The following SLC24A2 variants were observed in gnomAD, a reference collection of about 807,000 sequenced individuals.
SLC24A2 encodes solute carrier family 24 member 2.
SLC24A2 carries 36 observed loss-of-function variants against 62.0 expected under a neutral mutation model. That is an observed-to-expected ratio of 0.58 (90% confidence interval 0.44 to 0.77). The LOEUF is 0.77. SLC24A2 is among the 30% of genes least tolerant of loss of function. SLC24A2 has a pLI of 0.00. For missense variants in SLC24A2, 846 were observed against 817.9 expected, an observed-to-expected ratio of 1.03 and a Z score of -0.42; for synonymous variants, 358 against 294.0, an observed-to-expected ratio of 1.22 and a Z score of -2.23.
chr9:19,709,200 A>G (rs1022128521), intron 2 of SLC24A2, among the ~76,000 whole-genome samples: 13 of 151,942 alleles, frequency 8.6e-5, no homozygotes, highest in African/African-American at 2.2e-4. Context: ...CAAAACCACA[A>G]TGAGATACCA....
intron 7 of SLC24A2, among the ~76,000 whole-genome samples, chr9:19,561,332 G>T (rs1451838310): frequency 6.6e-6 from 1 of 151,926 alleles, no homozygotes; most frequent in Non-Finnish European, 1.5e-5. Flanking sequence ...AAAGAGGTAA[G>T]TTTACGTGTT....
At chr9:20,236,074 T>A in the SLC24A2 span, among the ~76,000 whole-genome samples, 2 of 152,190 alleles carry the variant, frequency 1.3e-5, no homozygotes, top group Non-Finnish European at 2.9e-5. Context: ...GAAGGTTTCA[T>A]TAGAACCCAG....
the SLC24A2 span, among the ~76,000 whole-genome samples, chr9:20,042,111 G>A: frequency 6.6e-6 from 1 of 152,214 alleles, no homozygotes; most frequent in African/African-American, 2.4e-5. Context: ...TGTCCCTGGT[G>A]GGCAGACTGT....
chr9:19,642,220 A>T (rs751507992), intron 2 of SLC24A2, among the ~76,000 whole-genome samples: 1 of 152,152 alleles, frequency 6.6e-6, no homozygotes, highest in Non-Finnish European at 1.5e-5. Flanking sequence ...ACGCTTACAC[A>T]CACATTCTCT....
At chr9:19,657,558 G>A (rs1356045746) in intron 2 of SLC24A2, among the ~76,000 whole-genome samples, 1 of 151,804 alleles carries the variant, frequency 6.6e-6, no homozygotes, top group Non-Finnish European at 1.5e-5. Context: ...CACCCTCCCT[G>A]TGTATTCTTT....
chr9:19,993,779 C>T, the SLC24A2 span, among the ~76,000 whole-genome samples: 1 of 152,110 alleles, frequency 6.6e-6, no homozygotes, highest in Non-Finnish European at 1.5e-5. Flanking sequence ...AAATGTTAGT[C>T]CCTCGAGAAT....
chr9:19,520,777 T>A, intron 10 of SLC24A2, 117 bp downstream of exon 10: 1 of 892,460 alleles, frequency 1.1e-6, no homozygotes, highest in Non-Finnish European at 1.9e-6. Context: ...ATCTTTACTC[T>A]GTATTGGTAT....
In SLC24A2 at chr9:19,511,372, C is replaced by T. The variant is rs1446192284; in HGVS notation, c.*4781G>A. 1 of 152,038 alleles carries T rather than the reference C, an allele frequency of 6.6e-6. No individual in the cohort carries two copies. Among genetic ancestry groups the T allele is most frequent in the Non-Finnish European group, 1.5e-5 (1 of 68,022 alleles). 9.4% of individuals were successfully genotyped at this position (152,038 alleles called of 1,614,324 possible). ...GGTTACTTTTCTTACCCAAGGTCTT[C>T]CTGAGATTATTTTTTAAAAAAATCT... is the stretch of plus-strand genomic sequence containing the variant. On this transcript the variant is annotated 3_prime_UTR_variant, in exon 11 of 11. Coordinates refer to ENST00000341998, the MANE Select transcript of SLC24A2 (RefSeq NM_020344.4).
the SLC24A2 span, among the ~76,000 whole-genome samples, chr9:20,077,219 A>G: frequency 6.6e-6 from 1 of 152,118 alleles, no homozygotes; most frequent in East Asian, 1.9e-4. Flanking sequence ...CTAGAGATCT[A>G]ATATAGAACA....
chr9:19,508,148 C>T lies in SLC24A2; in HGVS notation c.*8005G>A, dbSNP rs1471846755. 1 of 152,158 alleles carries T rather than the reference C, an allele frequency of 6.6e-6. No homozygotes were observed. The highest frequency in any genetic ancestry group is 6.5e-5 in the Admixed American group (1 of 15,268). The allele number at this position is 152,158 out of a possible 1,614,324, so 9.4% of individuals were successfully genotyped here. A position where few individuals can be genotyped will look rare whatever the true frequency, so the allele number is the denominator to read the frequency against. Reference sequence around the variant, plus strand: ...TGCTTGATGGTGGAAGCTGTTGCTTCCGGAGTTTTTTGACTTGAGCAGAAG... The same window carrying T: ...TGCTTGATGGTGGAAGCTGTTGCTTTCGGAGTTTTTTGACTTGAGCAGAAG... On this transcript the variant is annotated 3_prime_UTR_variant, in exon 11 of 11. Transcript: ENST00000341998.
intron 7 of SLC24A2, among the ~76,000 whole-genome samples, chr9:19,565,578 C>A (rs1465811548): frequency 1.3e-5 from 2 of 151,920 alleles, no homozygotes; most frequent in African/African-American, 2.4e-5. Context: ...CCCCATCAAG[C>A]TACCAATGAA....
At chr9:20,198,065 G>A in the SLC24A2 span, among the ~76,000 whole-genome samples, 1 of 152,164 alleles carries the variant, frequency 6.6e-6, no homozygotes, top group Admixed American at 6.5e-5. Flanking sequence ...TGTAAAGGCG[G>A]TCATTTCCAG....
intron 2 of SLC24A2, among the ~76,000 whole-genome samples, chr9:19,751,284 T>C (rs1238060851): frequency 6.6e-6 from 1 of 152,184 alleles, no homozygotes; most frequent in Non-Finnish European, 1.5e-5. Flanking sequence ...AGAGCTACTA[T>C]CATGTCCATA....
the SLC24A2 span, among the ~76,000 whole-genome samples, chr9:20,258,831 A>G: frequency 3.0e-5 from 4 of 131,932 alleles, no homozygotes; most frequent in South Asian, 5.3e-4. Context: ...CTATCTATCT[A>G]TCTGTCTATC....
the SLC24A2 span, among the ~76,000 whole-genome samples, chr9:19,896,181 T>C: frequency 6.6e-6 from 1 of 152,246 alleles, no homozygotes; most frequent in Non-Finnish European, 1.5e-5. Context: ...AGATGAATTA[T>C]CTGCATTAAT....
chr9:19,994,420 C>A, the SLC24A2 span, among the ~76,000 whole-genome samples: 1 of 152,190 alleles, frequency 6.6e-6, no homozygotes, highest in Non-Finnish European at 1.5e-5. Flanking sequence ...CTTTCTGAGT[C>A]ATACAAATTC....
chr9:19,837,127 A>G, the SLC24A2 span, among the ~76,000 whole-genome samples: 6 of 152,164 alleles, frequency 3.9e-5, no homozygotes, highest in Non-Finnish European at 8.8e-5. Flanking sequence ...TATCATACTG[A>G]ATGGACATAA....
At chr9:19,892,052 T>C in the SLC24A2 span, among the ~76,000 whole-genome samples, 1 of 152,230 alleles carries the variant, frequency 6.6e-6, no homozygotes, top group Non-Finnish European at 1.5e-5. Flanking sequence ...TCCCTTTTTC[T>C]CTTCGTTTGT....
the SLC24A2 span, among the ~76,000 whole-genome samples, chr9:20,288,131 C>A: frequency 9.2e-5 from 14 of 152,108 alleles, no homozygotes; most frequent in East Asian, 2.7e-3. Flanking sequence ...GTTTTAGAAA[C>A]AAGGAAAAGC....
Sources: gnomAD v4.1 joint callset for allele counts (sites outside exome capture counted in the v4.1 genomes callset) on GRCh38, gnomAD v4.1.1 for gene constraint, MANE v1.5 for transcripts, NCBI Gene and HGNC (gene_info 2026-07-23, HGNC 2026-07-21) for gene names.